WWP1: variants seen among roughly 807,000 people sequenced by gnomAD.
WWP1 encodes WW domain containing E3 ubiquitin protein ligase 1.
Under a neutral mutation model 130.6 loss-of-function variants are expected in WWP1, and 49 were observed. That is an observed-to-expected ratio of 0.38 (90% confidence interval 0.30 to 0.48). The LOEUF is 0.48. WWP1 is among the 20% of genes least tolerant of loss of function. WWP1 has a pLI of 0.99. For synonymous variants in WWP1, 332 were observed against 367.8 expected (o/e 0.90, Z 1.11); for missense variants, 809 against 1,100.6 (o/e 0.74, Z 3.75).
At chr8:86,422,904 A>G (rs971276457) in intron 9 of WWP1, among the ~76,000 whole-genome samples, 1 of 152,212 alleles carries the variant, frequency 6.6e-6, no homozygotes, top group South Asian at 2.1e-4. Context: ...GTGCACACAG[A>G]TGAAAGAATT....
intron 5 of WWP1, among the ~76,000 whole-genome samples, chr8:86,394,921 G>T (rs935980056): frequency 7.8e-6 from 1 of 127,392 alleles, no homozygotes; most frequent in Non-Finnish European, 1.6e-5. Flanking sequence ...AAAGGTAGAG[G>T]GCTGTTCTTC....
chr8:86,391,936 C>T (rs184496426), intron 5 of WWP1, among the ~76,000 whole-genome samples: 1 of 152,120 alleles, frequency 6.6e-6, no homozygotes, highest in Non-Finnish European at 1.5e-5. Flanking sequence ...GAAGGATTTA[C>T]CATTGTAAGC....
intron 11 of WWP1, among the ~76,000 whole-genome samples, chr8:86,429,704 A>G (rs1331460333): frequency 6.6e-5 from 10 of 152,172 alleles, no homozygotes; most frequent in African/African-American, 2.4e-4. Flanking sequence ...TAACTGTTCT[A>G]TTTTTAAACA....
chr8:86,445,976 C>CTTTTT (rs56731329), intron 18 of WWP1, among the ~76,000 whole-genome samples: 1,018 of 84,946 alleles, frequency 0.012, 1 homozygote, highest in Non-Finnish European at 0.018. Context: ...CTTTTCTTTT[C>CTTTTT]TTTTTTTTTT....
intron 1 of WWP1, among the ~76,000 whole-genome samples, chr8:86,360,406 T>G (rs1334242162): frequency 1.3e-5 from 2 of 152,200 alleles, no homozygotes; most frequent in Non-Finnish European, 2.9e-5. Context: ...CTTGAAATTC[T>G]TCCTTGAAGT....
At chr8:86,416,388 T>C (rs1563512064) in intron 9 of WWP1, among the ~76,000 whole-genome samples, 1 of 152,106 alleles carries the variant, frequency 6.6e-6, no homozygotes, top group Admixed American at 6.5e-5. Flanking sequence ...ATGCAGTAGG[T>C]CAGTGGAGGG....
chr8:86,367,934 C>T, intron 1 of WWP1, among the ~76,000 whole-genome samples: 1 of 152,196 alleles, frequency 6.6e-6, no homozygotes, highest in East Asian at 1.9e-4. Context: ...CCATTGTCTT[C>T]CATGGAAGTT....
At chr8:86,412,868 G>T (rs1165955751) in intron 9 of WWP1, among the ~76,000 whole-genome samples, 3 of 151,992 alleles carry the variant, frequency 2.0e-5, no homozygotes, top group Non-Finnish European at 2.9e-5. Flanking sequence ...CATTCTTGTT[G>T]GCCAGGCTAG....
chr8:86,400,027 G>A (rs894358414), intron 7 of WWP1, among the ~76,000 whole-genome samples: 17 of 152,152 alleles, frequency 1.1e-4, no homozygotes, highest in African/African-American at 3.9e-4. Flanking sequence ...TTTACATTCT[G>A]ATGGGATAAA....
chr8:86,410,911 G>A lies in WWP1; in HGVS notation c.725-627G>A, dbSNP rs78698415. Among the ~76,000 whole-genome samples, 17 of 152,008 alleles carry A rather than the reference G, an allele frequency of 1.1e-4. No individual in the cohort carries two copies. In the East Asian group the frequency reaches 3.3e-3, roughly 29 times the overall value. The stretch of plus-strand genomic sequence containing the variant: ...GATATATGGTCTTCCAGTAGGTTTT[G>A]TTCTGTAATCTATTCACCCTTACAG... On this transcript the variant is annotated intron_variant, in intron 8 of 24. Transcript: ENST00000517970.
intron 1 of WWP1, among the ~76,000 whole-genome samples, chr8:86,355,115 A>G (rs1319423487): frequency 1.3e-5 from 2 of 152,186 alleles, no homozygotes; most frequent in African/African-American, 2.4e-5. Context: ...TGCTCTTCTC[A>G]AACTTAAAAT....
intron 17 of WWP1, 58 bp from the exon 18 acceptor site, chr8:86,442,561 T>A: frequency 2.1e-6 from 3 of 1,445,094 alleles, no homozygotes; most frequent in Non-Finnish European, 2.8e-6. Flanking sequence ...ATATTTAAGA[T>A]CTGTTTTTAA....
At position 86,467,746 on chromosome 8, in the gene WWP1, T is replaced by G. The variant is rs1041854935; in HGVS notation, c.*853T>G. Reference sequence around the variant, plus strand: ...TAATAAATTGATGCAATTTCATACTTAGGAACATACAAAAGGTAATGTAAA... The same window carrying G: ...TAATAAATTGATGCAATTTCATACTGAGGAACATACAAAAGGTAATGTAAA... On this transcript the variant is annotated 3_prime_UTR_variant, in exon 25 of 25. Transcript: ENST00000517970. 2 of 152,184 alleles carry G rather than the reference T, an allele frequency of 1.3e-5. No individual in the cohort carries two copies. Among genetic ancestry groups the G allele is most frequent in the Non-Finnish European group, 2.9e-5 (2 of 68,006 alleles). 9.4% of individuals were successfully genotyped at this position (152,184 alleles called of 1,614,324 possible).
chr8:86,468,413 A>G lies in WWP1; in HGVS notation c.*1520A>G, dbSNP rs1277518040. Reference sequence around the variant, plus strand: ...AAATCCTTATTATGAACACTCTGGTAATTTTCAAGCCTAAAGAATTAAAAA... The same window carrying G: ...AAATCCTTATTATGAACACTCTGGTGATTTTCAAGCCTAAAGAATTAAAAA... On this transcript the variant is annotated 3_prime_UTR_variant, in exon 25 of 25. Transcript: ENST00000517970. 1.3e-5 allele frequency: 6 copies of G among 449,148 alleles called. No individual in the cohort carries two copies. The East Asian group carries it at 3.5e-4, about 26-fold the overall frequency. The allele number at this position is 449,148 out of a possible 1,614,324, so 27.8% of individuals were successfully genotyped here.
In WWP1 at chr8:86,342,942, G is replaced by A. The variant is rs1391802400; in HGVS notation, c.-115+12G>A. 3 of 339,888 alleles carry A rather than the reference G, an allele frequency of 8.8e-6. No homozygotes were observed. Among genetic ancestry groups the A allele is most frequent in the Admixed American group, 4.8e-5 (1 of 20,696 alleles). The allele number at this position is 339,888 out of a possible 1,614,324, so 21.1% of individuals were successfully genotyped here. A position where few individuals can be genotyped will look rare whatever the true frequency, so the allele number is the denominator to read the frequency against. Reference sequence around the variant, plus strand: ...CAGCTTCGCGCCGGGTAAGGACGGCGCGGCGCGGGGCTGGGGGTGCGAATG... The same window carrying A: ...CAGCTTCGCGCCGGGTAAGGACGGCACGGCGCGGGGCTGGGGGTGCGAATG... On this transcript the variant is annotated intron_variant, in intron 1 of 24. Coordinates refer to ENST00000517970, the MANE Select transcript of WWP1 (RefSeq NM_007013.4).
chr8:86,352,472 G>A (rs1407131646), intron 1 of WWP1, among the ~76,000 whole-genome samples: 1 of 151,966 alleles, frequency 6.6e-6, no homozygotes. Flanking sequence ...TGATTCACCC[G>A]TCTTGGCCTC....
At chr8:86,440,641 T>C (rs766929883) in intron 17 of WWP1, 1 of 450,470 alleles carries the variant, frequency 2.2e-6, no homozygotes, top group Non-Finnish European at 4.4e-6. Context: ...TATTAAGATC[T>C]TCCTTAATGT....
At chr8:86,446,074 T>A (rs1810858241) in intron 18 of WWP1, among the ~76,000 whole-genome samples, 1 of 145,604 alleles carries the variant, frequency 6.9e-6, no homozygotes, top group Non-Finnish European at 1.5e-5. Context: ...CTCTGCCTCC[T>A]GGGTTCAAGC....
intron 24 of WWP1, 50 bp from the exon 25 acceptor site, chr8:86,466,743 AT>A (rs751327320): frequency 3.9e-5 from 49 of 1,260,786 alleles, no homozygotes; most frequent in Non-Finnish European, 5.1e-5. Flanking sequence ...ATTCTATTAG[AT>A]TTTTTTCATT....
Sources: gnomAD v4.1 joint callset for allele counts (sites outside exome capture counted in the v4.1 genomes callset) on GRCh38, gnomAD v4.1.1 for gene constraint, MANE v1.5 for transcripts, NCBI Gene and HGNC (gene_info 2026-07-23, HGNC 2026-07-21) for gene names.